The following DIXDC1 variants were observed in gnomAD, a reference collection of about 807,000 sequenced individuals.
The protein encoded by DIXDC1 is DIX domain containing 1.
In DIXDC1, 64 loss-of-function variants were observed where a neutral mutation model predicts 103.1. That is an observed-to-expected ratio of 0.62 (90% CI 0.51 to 0.76). DIXDC1 has a LOEUF of 0.76. DIXDC1 is among the 30% of genes least tolerant of loss of function. The pLI, the probability that DIXDC1 is intolerant of heterozygous loss-of-function variation, is 0.00. For missense variants in DIXDC1, 759 were observed against 834.2 expected, an observed-to-expected ratio of 0.91 and a Z score of 1.11; for synonymous variants, 266 against 298.5, an observed-to-expected ratio of 0.89 and a Z score of 1.12.
Position 111,958,661 on chromosome 11 carries a change from G to A in DIXDC1, c.61-5888G>A, listed in dbSNP as rs1859470222. On this transcript the variant is annotated intron_variant, in intron 1 of 19. Coordinates refer to ENST00000440460, the MANE Select transcript of DIXDC1 (RefSeq NM_001037954.4). This position sits in a 1 kb window ranked among gnomAD's most constrained non-coding sequence, Gnocchi z 4.2. Reference sequence around the variant, plus strand: ...CTGTGTGGAAAGGGGCGGGTTCCCGGTGAAGCCCCACCTTCAAACCAGGGA... The same window carrying A: ...CTGTGTGGAAAGGGGCGGGTTCCCGATGAAGCCCCACCTTCAAACCAGGGA... Among the ~76,000 whole-genome samples the A allele has an allele frequency of 6.6e-6, 1 of 152,210 alleles. No individual in the cohort carries two copies. The highest frequency in any genetic ancestry group is 1.5e-5 in the Non-Finnish European group (1 of 68,016).
At chr11:111,945,989 T>G (rs1169502229) in intron 1 of DIXDC1, among the ~76,000 whole-genome samples, 2 of 144,930 alleles carry the variant, frequency 1.4e-5, no homozygotes, top group African/African-American at 5.1e-5. Flanking sequence ...CAGGCTGAAG[T>G]GCAGTGGCAC....
intron 1 of DIXDC1, among the ~76,000 whole-genome samples, chr11:111,944,208 C>T (rs991959774): frequency 6.6e-6 from 1 of 152,192 alleles, no homozygotes; most frequent in East Asian, 1.9e-4. Context: ...CACTGTAAAA[C>T]TAATTTCCTT....
intron 17 of DIXDC1, among the ~76,000 whole-genome samples, chr11:112,000,300 A>G (rs1317312331): frequency 6.6e-6 from 1 of 152,220 alleles, no homozygotes; most frequent in African/African-American, 2.4e-5. Flanking sequence ...ATAAGGGTCT[A>G]GGATCCAGAA....
chr11:111,949,120 G>A (rs1566471164), intron 1 of DIXDC1, among the ~76,000 whole-genome samples: 1 of 152,182 alleles, frequency 6.6e-6, no homozygotes, highest in African/African-American at 2.4e-5. Flanking sequence ...AAGGGATGTA[G>A]CAAAGTGCTT....
intron 1 of DIXDC1, among the ~76,000 whole-genome samples, chr11:111,951,688 G>T (rs1445453692): frequency 6.6e-6 from 1 of 152,054 alleles, no homozygotes; most frequent in East Asian, 1.9e-4. Context: ...TTCCTATGCT[G>T]TTCTCATGAT....
intron 10 of DIXDC1, among the ~76,000 whole-genome samples, chr11:111,989,858 G>C (rs1180469852): frequency 6.8e-6 from 1 of 147,776 alleles, no homozygotes; most frequent in East Asian, 2.1e-4. Context: ...GCGCAATCTT[G>C]GCTCACTGCA....
intron 1 of DIXDC1, chr11:111,929,791 G>C (rs1247223833): frequency 7.2e-7 from 1 of 1,392,576 alleles, no homozygotes; most frequent in Non-Finnish European, 9.7e-7. Context: ...TTGTTATTTT[G>C]TACATTTCTT....
At chr11:111,948,102 A>G (rs1433182842) in intron 1 of DIXDC1, among the ~76,000 whole-genome samples, 1 of 152,210 alleles carries the variant, frequency 6.6e-6, no homozygotes, top group African/African-American at 2.4e-5. Flanking sequence ...GGACTTCAGG[A>G]TCCACAGTCT....
intron 17 of DIXDC1, among the ~76,000 whole-genome samples, chr11:111,999,933 C>T (rs1172443627): frequency 6.6e-6 from 1 of 151,354 alleles, no homozygotes; most frequent in East Asian, 2.0e-4. Context: ...GTCAGGAGTT[C>T]GAAACCAGCC....
At chr11:112,006,232 G>A (rs1429637983) in intron 17 of DIXDC1, among the ~76,000 whole-genome samples, 1 of 152,250 alleles carries the variant, frequency 6.6e-6, no homozygotes, top group Non-Finnish European at 1.5e-5. Flanking sequence ...CTGGCAGGGG[G>A]AGGGGCACCT....
At chr11:111,971,531 G>A (rs1202682455) in intron 3 of DIXDC1, among the ~76,000 whole-genome samples, 4 of 152,186 alleles carry the variant, frequency 2.6e-5, no homozygotes, top group African/African-American at 9.7e-5. Flanking sequence ...CAGCCACTGT[G>A]GAAAGTAGTT....
Position 111,964,678 on chromosome 11 carries a change from G to A in DIXDC1, c.190G>A (p.Ala64Thr), listed in dbSNP as rs986696519. The A allele has an allele frequency of 2.5e-6, 4 of 1,602,152 alleles. No homozygotes were observed. The highest frequency in any genetic ancestry group is 2.6e-6 in the Non-Finnish European group (3 of 1,174,662). Residue 64 changes from alanine (A) to threonine (T), a missense_variant and splice_region_variant, in exon 2 of 20, where the codon GCA becomes ACA. Around this residue, in one of 3 missense-constraint regions of DIXDC1, gnomAD observed 97 missense variants for 85.4 expected, o/e 1.14. Coordinates refer to ENST00000440460, the MANE Select transcript of DIXDC1 (RefSeq NM_001037954.4). ...CCTGGCATATCTCATCGAGATTGTT[G>A]GTCAGTTGGCCCTGGACTCTGATAC... is the stretch of plus-strand genomic sequence containing the variant. ...VILAYLIEIV[A>T]GEKLSGVQLS...
chr11:111,965,096 G>GT (rs1859685191), intron 2 of DIXDC1, among the ~76,000 whole-genome samples: 2 of 152,102 alleles, frequency 1.3e-5, no homozygotes, highest in South Asian at 4.2e-4. Flanking sequence ...AGAAGAATTG[G>GT]TATCTAAACC....
intron 1 of DIXDC1, among the ~76,000 whole-genome samples, chr11:111,948,884 T>G (rs3853771): frequency 1.3e-5 from 2 of 152,106 alleles, no homozygotes; most frequent in Non-Finnish European, 2.9e-5. Context: ...TGATGCATCA[T>G]GATACCTCCC....
Position 112,020,151 on chromosome 11 carries a change from A to G in DIXDC1, c.*1115A>G, listed in dbSNP as rs1861712716. The G allele has an allele frequency of 6.6e-6, 1 of 152,524 alleles. No individual in the cohort carries two copies. The highest frequency in any genetic ancestry group is 6.5e-5 in the Admixed American group (1 of 15,284). 9.4% of individuals were successfully genotyped at this position (152,524 alleles called of 1,614,324 possible). A position where few individuals can be genotyped will look rare whatever the true frequency, so the allele number is the denominator to read the frequency against. On this transcript the variant is annotated 3_prime_UTR_variant, in exon 20 of 20. Transcript: ENST00000440460. ...TAAAAAAAACCTAGAATCATTTCTG[A>G]TGTGCAACATTGTCAAGTGAAGAAG...
At chr11:111,994,977 A>G (rs1361637670) in intron 14 of DIXDC1, 42 bp from the exon 15 acceptor site, 2 of 1,576,788 alleles carry the variant, frequency 1.3e-6, no homozygotes, top group African/African-American at 2.7e-5. Flanking sequence ...TCTGGTTTAC[A>G]ATTCTCCCTT....
chr11:111,956,425 A>G (rs587730552), intron 1 of DIXDC1, among the ~76,000 whole-genome samples: 15 of 152,358 alleles, frequency 9.8e-5, no homozygotes, highest in African/African-American at 3.1e-4. Flanking sequence ...TACAGGAATC[A>G]ATATGAATGA....
chr11:112,006,687 A>C (rs1254713614), intron 17 of DIXDC1, among the ~76,000 whole-genome samples: 1 of 152,242 alleles, frequency 6.6e-6, no homozygotes, highest in African/African-American at 2.4e-5. Flanking sequence ...GACCTCCAGC[A>C]AACTCCAACA....
chr11:111,986,513 C>T (rs1177475555), intron 8 of DIXDC1, among the ~76,000 whole-genome samples: 7 of 151,998 alleles, frequency 4.6e-5, no homozygotes, highest in Non-Finnish European at 1.0e-4. Context: ...TACAGGTGTG[C>T]ACCACCACAC....
Sources: allele counts gnomAD v4.1 joint callset (sites outside exome capture counted in the v4.1 genomes callset), GRCh38; gene constraint gnomAD v4.1.1; regional missense constraint gnomAD v4.1.1; non-coding constraint Gnocchi (gnomAD v3.1); transcripts MANE v1.5; gene names NCBI Gene and HGNC (gene_info 2026-07-23, HGNC 2026-07-21).